KLHL22: variants seen among roughly 807,000 people sequenced by gnomAD.
The protein encoded by KLHL22 is kelch-like protein 22.
A neutral mutation model predicts 60.7 loss-of-function variants in KLHL22; 18 were observed. That is an observed-to-expected ratio of 0.30 (90% CI 0.20 to 0.44). The LOEUF (loss-of-function observed/expected upper bound fraction) is 0.44, where lower values mean the gene tolerates loss of function less well. Ranked by LOEUF, KLHL22 falls within the 20% of genes least tolerant of loss-of-function variation. KLHL22 has a pLI of 1.00. For synonymous variants in KLHL22, 355 were observed against 354.5 expected, an observed-to-expected ratio of 1.00 and a Z score of -0.01; for missense variants, 596 against 852.3, an observed-to-expected ratio of 0.70 and a Z score of 3.74.
At chr22:20,472,638 A>G (rs1422619082) in intron 2 of KLHL22, among the ~76,000 whole-genome samples, 1 of 152,164 alleles carries the variant, frequency 6.6e-6, no homozygotes, top group Non-Finnish European at 1.5e-5. Flanking sequence ...AGGCAGGAGA[A>G]TCGCTTGAAC....
intron 2 of KLHL22, chr22:20,483,206 G>A (rs1199629702): frequency 1.5e-5 from 10 of 656,918 alleles, no homozygotes; most frequent in South Asian, 6.3e-5. Flanking sequence ...CTGGACGTAC[G>A]TCTCAACTCC....
At chr22:20,468,079 G>T (rs165864) in intron 3 of KLHL22, among the ~76,000 whole-genome samples, 97,716 of 151,106 alleles carry the variant, frequency 0.65, 31,570 homozygotes, top group Admixed American at 0.75. Flanking sequence ...TGTCAGGCAG[G>T]TATGTGCCCT....
At chr22:20,459,678 G>A (rs2053121905) in intron 4 of KLHL22, among the ~76,000 whole-genome samples, 1 of 152,184 alleles carries the variant, frequency 6.6e-6, no homozygotes, top group Non-Finnish European at 1.5e-5. Context: ...TCTGTCTGCT[G>A]AATGAATTAA....
At chr22:20,483,460 T>C in intron 2 of KLHL22, 1 of 760,630 alleles carries the variant, frequency 1.3e-6, no homozygotes, top group Non-Finnish European at 2.4e-6. Context: ...CTCTTCATGG[T>C]TCTTCTTCAT....
chr22:20,491,817 C>T (rs1384178882), intron 1 of KLHL22: 2 of 152,288 alleles, frequency 1.3e-5, no homozygotes, highest in East Asian at 3.8e-4. Context: ...GGATGCTCTA[C>T]TGCTTCCCAT....
At chr22:20,473,668 G>A (rs1805368367) in intron 2 of KLHL22, among the ~76,000 whole-genome samples, 2 of 152,186 alleles carry the variant, frequency 1.3e-5, no homozygotes, top group Non-Finnish European at 2.9e-5. Flanking sequence ...CTGAGGTTGG[G>A]AGTTCGACAC....
At chr22:20,447,236 C>T (rs930372436) in intron 5 of KLHL22, among the ~76,000 whole-genome samples, 1 of 152,200 alleles carries the variant, frequency 6.6e-6, no homozygotes, top group African/African-American at 2.4e-5. Context: ...CTCCATAGGG[C>T]CCAGCCTGCC....
At chr22:20,478,663 C>T (rs1032927212) in intron 2 of KLHL22, among the ~76,000 whole-genome samples, 3 of 149,776 alleles carry the variant, frequency 2.0e-5, no homozygotes, top group Non-Finnish European at 4.5e-5. Context: ...TATAGGCGCC[C>T]GCCACCACGC....
chr22:20,485,637 G>T (rs1217266782), intron 2 of KLHL22, among the ~76,000 whole-genome samples: 1 of 152,230 alleles, frequency 6.6e-6, no homozygotes, highest in Non-Finnish European at 1.5e-5. Flanking sequence ...GGAGGCCAAG[G>T]CAGGCGGATC....
At chr22:20,493,143 C>T (rs756766259) in intron 1 of KLHL22, 1 of 471,138 alleles carries the variant, frequency 2.1e-6, no homozygotes, top group South Asian at 1.5e-5. Flanking sequence ...CAGGTGGATC[C>T]TCACCTTCCG....
chr22:20,470,033 AC>A (rs1473079196), intron 3 of KLHL22, among the ~76,000 whole-genome samples: 4 of 152,068 alleles, frequency 2.6e-5, no homozygotes, highest in Non-Finnish European at 4.4e-5. Context: ...CTGCAGGAAA[AC>A]AAGTACTTAA....
At chr22:20,480,957 G>A (rs1007187139) in intron 2 of KLHL22, among the ~76,000 whole-genome samples, 1 of 149,994 alleles carries the variant, frequency 6.7e-6, no homozygotes, top group Non-Finnish European at 1.5e-5. Flanking sequence ...TCAACCTCCC[G>A]AGTAGCTGGG....
At chr22:20,446,416 G>T (rs1010703463) in intron 6 of KLHL22, 27 bp downstream of exon 6, 1 of 1,263,618 alleles carries the variant, frequency 7.9e-7, no homozygotes, top group Non-Finnish European at 1.1e-6. Flanking sequence ...ATGATGACGG[G>T]TGTGGACTGC....
intron 6 of KLHL22, among the ~76,000 whole-genome samples, chr22:20,443,755 G>A: frequency 6.6e-6 from 1 of 150,752 alleles, no homozygotes; most frequent in Admixed American, 6.6e-5. Flanking sequence ...AACAAAAAAA[G>A]TGGAAGGGGA....
At chr22:20,445,930 T>A (rs963259869) in intron 6 of KLHL22, among the ~76,000 whole-genome samples, 8 of 152,152 alleles carry the variant, frequency 5.3e-5, no homozygotes, top group African/African-American at 1.4e-4. Context: ...CCTGGCTAAT[T>A]TTTGTATTTT....
Position 20,446,575 on chromosome 22 carries a change from G to A in KLHL22, c.1407C>T (p.Gly469=). 1 of 1,613,954 alleles carries A rather than the reference G, an allele frequency of 6.2e-7. No homozygotes were observed. Residue 469 remains glycine (G), a synonymous_variant, in exon 6 of 7, where the codon GGC becomes GGT. Coordinates refer to ENST00000328879, the MANE Select transcript of KLHL22 (RefSeq NM_032775.4). ...CAGCCAGTGTGTGCCAAGTGTTGCTGCCTGGATCGTAGCAGTGTGTCTCTT... is the reference window on the plus strand; with the variant it reads ...CAGCCAGTGTGTGCCAAGTGTTGCTACCTGGATCGTAGCAGTGTGTCTCTT... ...YLKETHCYDP[G]SNTWHTLADG...
chr22:20,481,221 C>A (rs1156676656), intron 2 of KLHL22: 1 of 152,204 alleles, frequency 6.6e-6, no homozygotes, highest in Non-Finnish European at 1.5e-5. Context: ...AGATCAAACT[C>A]ATTCGTCTCT....
intron 4 of KLHL22, among the ~76,000 whole-genome samples, chr22:20,462,898 A>G (rs1368763777): frequency 1.3e-5 from 2 of 152,196 alleles, no homozygotes; most frequent in African/African-American, 4.8e-5. Flanking sequence ...TTCTGCACCA[A>G]TGCTTTAAGA....
At chr22:20,467,488 C>T (rs1246657693) in intron 3 of KLHL22, among the ~76,000 whole-genome samples, 1 of 152,192 alleles carries the variant, frequency 6.6e-6, no homozygotes, top group South Asian at 2.1e-4. Flanking sequence ...AAAACGGCTC[C>T]ATTTCAGGAT....
Sources: allele counts gnomAD v4.1 joint callset (sites outside exome capture counted in the v4.1 genomes callset), GRCh38; gene constraint gnomAD v4.1.1; transcripts MANE v1.5; gene names NCBI Gene and HGNC (gene_info 2026-07-23, HGNC 2026-07-21).